Variants in RAD51D observed in about 807,000 individuals in gnomAD.
The protein encoded by RAD51D is DNA repair protein RAD51 homolog 4.
A neutral mutation model predicts 44.1 loss-of-function variants in RAD51D; 38 were observed. The observed-to-expected ratio is 0.86, with a 90% CI of 0.67 to 1.13. The LOEUF is 1.13. Ranked by LOEUF, RAD51D falls within the 50% of genes most tolerant of loss-of-function variation. The pLI, the probability that RAD51D is intolerant of heterozygous loss-of-function variation, is 0.00. For missense variants in RAD51D, 390 were observed against 414.0 expected (o/e 0.94, Z 0.50); for synonymous variants, 141 against 166.6 (o/e 0.85, Z 1.18).
chr17:35,100,602 A>G lies in RAD51D; in HGVS notation c.*351T>C. The G allele has an allele frequency of 1.8e-6, 1 of 554,738 alleles. No homozygotes were observed. Among genetic ancestry groups the G allele is most frequent in the Non-Finnish European group, 3.4e-6 (1 of 292,448 alleles). 34.4% of individuals were successfully genotyped at this position (554,738 alleles called of 1,614,324 possible). On this transcript the variant is annotated 3_prime_UTR_variant, in exon 10 of 10. Coordinates refer to ENST00000345365, the MANE Select transcript of RAD51D (RefSeq NM_002878.4). The stretch of plus-strand genomic sequence containing the variant: ...TGGCCACTGCGCTAGGAGGGAGCAC[A>G]GGACACAATGGTGATGCACAGGATT...
intron 3 of RAD51D, chr17:35,113,657 G>A: frequency 3.0e-6 from 1 of 332,546 alleles, no homozygotes; most frequent in Non-Finnish European, 6.1e-6. Context: ...CTAGCCCTGT[G>A]GCTTCTTGAG....
intron 8 of RAD51D, among the ~76,000 whole-genome samples, chr17:35,101,903 A>T (rs930253714): frequency 5.3e-5 from 8 of 152,158 alleles, no homozygotes; most frequent in Admixed American, 1.3e-4. Context: ...GGGGAAGGGG[A>T]AAATGAGTTA....
intron 3 of RAD51D, among the ~76,000 whole-genome samples, chr17:35,108,992 G>A (rs1023770115): frequency 6.6e-6 from 1 of 150,984 alleles, no homozygotes; most frequent in East Asian, 1.9e-4. Context: ...TCAGCCTCCC[G>A]AGTACCTGGG....
In RAD51D at chr17:35,119,039, C is replaced by T. The variant is rs2142476552; in HGVS notation, c.144+72G>A. 13 of 1,456,644 alleles carry T rather than the reference C, an allele frequency of 8.9e-6. No homozygotes were observed. The South Asian group carries it at 1.3e-4, about 14-fold the overall frequency. 90.2% of individuals were successfully genotyped at this position (1,456,644 alleles called of 1,614,324 possible). A position where few individuals can be genotyped will look rare whatever the true frequency, so the allele number is the denominator to read the frequency against. On this transcript the variant is annotated intron_variant, in intron 2 of 9. Coordinates refer to ENST00000345365, the MANE Select transcript of RAD51D (RefSeq NM_002878.4). Reference sequence around the variant, plus strand: ...TGCTGGGATTACAGGCATGAGCCACCGCGCCCAGCTGGCTTGGGATGGACT... The same window carrying T: ...TGCTGGGATTACAGGCATGAGCCACTGCGCCCAGCTGGCTTGGGATGGACT...
chr17:35,096,904 GC>G lies in RAD51D; in HGVS notation c.*4048del, dbSNP rs58566028. The G allele has an allele frequency of 1, 152,325 of 152,326 alleles. 76,162 individuals are homozygous for G. The highest frequency in any genetic ancestry group is 1 in the Non-Finnish European group (68,046 of 68,046). 9.4% of individuals were successfully genotyped at this position (152,326 alleles called of 1,614,324 possible). ...GTCCCTAGTATTTACACTTCTTTAAGCCTAGGTTTTGTTACTTGCAGCCTTA... is the reference window on the plus strand; with the variant it reads ...GTCCCTAGTATTTACACTTCTTTAAGCTAGGTTTTGTTACTTGCAGCCTTA... On this transcript the variant is annotated 3_prime_UTR_variant, in exon 10 of 10. Coordinates refer to ENST00000345365, the MANE Select transcript of RAD51D (RefSeq NM_002878.4).
chr17:35,099,797 G>A lies in RAD51D; in HGVS notation c.*1156C>T. 1 of 474,816 alleles carries A rather than the reference G, an allele frequency of 2.1e-6. No homozygotes were observed. The highest frequency in any genetic ancestry group is 4.2e-6 in the Non-Finnish European group (1 of 240,274). 29.4% of individuals were successfully genotyped at this position (474,816 alleles called of 1,614,324 possible). On this transcript the variant is annotated 3_prime_UTR_variant, in exon 10 of 10. Transcript: ENST00000345365. ...CCAGTAACCAATCCTGATCATTTCTGTACTTTTCCTTTTATTTTCCATTCC... is the reference window on the plus strand; with the variant it reads ...CCAGTAACCAATCCTGATCATTTCTATACTTTTCCTTTTATTTTCCATTCC...
In RAD51D at chr17:35,098,870, G is replaced by C. The variant is rs1165790714; in HGVS notation, c.*2083C>G. 6.6e-6 allele frequency: 1 copy of C among 151,878 alleles called. No homozygotes were observed. The highest frequency in any genetic ancestry group is 1.5e-5 in the Non-Finnish European group (1 of 68,032). 9.4% of individuals were successfully genotyped at this position (151,878 alleles called of 1,614,324 possible). ...TGATTTTTTTTTTCCTTGAGACAGGGTCTTGCTCTGTTACCCAGGCTGGGG... is the reference window on the plus strand; with the variant it reads ...TGATTTTTTTTTTCCTTGAGACAGGCTCTTGCTCTGTTACCCAGGCTGGGG... On this transcript the variant is annotated 3_prime_UTR_variant, in exon 10 of 10. Transcript: ENST00000345365.
intron 3 of RAD51D, among the ~76,000 whole-genome samples, chr17:35,107,738 T>C (rs972005905): frequency 1.2e-5 from 1 of 83,026 alleles, no homozygotes; most frequent in Non-Finnish European, 2.1e-5. Context: ...GTGGGTTTCC[T>C]TTTTTTTTTT....
chr17:35,101,128 C>T (rs1182692945), intron 9 of RAD51D, 73 bp downstream of exon 9: 15 of 1,611,132 alleles, frequency 9.3e-6, no homozygotes, highest in African/African-American at 5.3e-5. Flanking sequence ...GAGTTCTTCT[C>T]GAAGACATCT....
At chr17:35,108,877 T>G (rs2091642648) in intron 3 of RAD51D, among the ~76,000 whole-genome samples, 1 of 150,614 alleles carries the variant, frequency 6.6e-6, no homozygotes, top group Admixed American at 6.6e-5. Context: ...TCTTTTTTTT[T>G]TTTTTTTGAG....
At chr17:35,114,595 C>G (rs1481625123) in intron 3 of RAD51D, among the ~76,000 whole-genome samples, 1 of 152,012 alleles carries the variant, frequency 6.6e-6, no homozygotes, top group Non-Finnish European at 1.5e-5. Flanking sequence ...GAGGCTGAGG[C>G]AGGGAGACTG....
Position 35,108,931 on chromosome 17 carries a change from A to G in RAD51D, c.264-1484T>C, listed in dbSNP as rs28743177. Among the ~76,000 whole-genome samples, 578 of 147,110 alleles carry G rather than the reference A, an allele frequency of 3.9e-3. 7 individuals carry two copies. Among genetic ancestry groups the G allele is most frequent in the African/African-American group, 0.014 (550 of 39,588 alleles). ...GCCCAGGCTGGAGTGCAGTGGTGCAATCTCAGCTCATTGCAACCTCCACCT... is the reference window on the plus strand; with the variant it reads ...GCCCAGGCTGGAGTGCAGTGGTGCAGTCTCAGCTCATTGCAACCTCCACCT... On this transcript the variant is annotated intron_variant, in intron 3 of 9. Transcript: ENST00000345365.
In RAD51D at chr17:35,100,770, T is replaced by C; in HGVS notation, c.*183A>G. The C allele has an allele frequency of 1.4e-6, 1 of 699,260 alleles. No homozygotes were observed. The highest frequency in any genetic ancestry group is 2.7e-5 in the East Asian group (1 of 37,066). 43.3% of individuals were successfully genotyped at this position (699,260 alleles called of 1,614,324 possible). A position where few individuals can be genotyped will look rare whatever the true frequency, so the allele number is the denominator to read the frequency against. ...TCTGGGTCCTCGCAATGCAGCATCCTCTTTCGCCTGTGGTTTATATGCTTA... is the reference window on the plus strand; with the variant it reads ...TCTGGGTCCTCGCAATGCAGCATCCCCTTTCGCCTGTGGTTTATATGCTTA... On this transcript the variant is annotated 3_prime_UTR_variant, in exon 10 of 10. Coordinates refer to ENST00000345365, the MANE Select transcript of RAD51D (RefSeq NM_002878.4).
At chr17:35,114,685 C>A (rs1338127453) in intron 3 of RAD51D, among the ~76,000 whole-genome samples, 1 of 152,114 alleles carries the variant, frequency 6.6e-6, no homozygotes, top group Non-Finnish European at 1.5e-5. Flanking sequence ...GAGCAAGACC[C>A]TGTCTCTAAA....
At chr17:35,114,498 C>T (rs534236488) in intron 3 of RAD51D, among the ~76,000 whole-genome samples, 215 of 151,010 alleles carry the variant, frequency 1.4e-3, no homozygotes, top group South Asian at 0.011. Context: ...CTTGGCAACA[C>T]AGCAAGACCC....
chr17:35,094,914 T>G lies in RAD51D; in HGVS notation c.*6039A>C, dbSNP rs557030806. ...ACTACCGTAAGTACTAGTGAGAGGC[T>G]GCCCACCCAGCATCCAGTTCATCCA... On this transcript the variant is annotated 3_prime_UTR_variant, in exon 10 of 10. Transcript: ENST00000345365. 1 of 152,226 alleles carries G rather than the reference T, an allele frequency of 6.6e-6. No individual in the cohort carries two copies. The highest frequency in any genetic ancestry group is 2.4e-5 in the African/African-American group (1 of 41,440). The allele number at this position is 152,226 out of a possible 1,614,324, so 9.4% of individuals were successfully genotyped here.
At chr17:35,117,035 T>G (rs781627001) in intron 3 of RAD51D, 1 of 1,611,058 alleles carries the variant, frequency 6.2e-7, no homozygotes, top group Non-Finnish European at 8.5e-7. Context: ...GCGCCCTCCA[T>G]GTCTGTTGGA....
At chr17:35,109,560 A>G (rs914912996) in intron 3 of RAD51D, among the ~76,000 whole-genome samples, 2 of 152,204 alleles carry the variant, frequency 1.3e-5, no homozygotes, top group African/African-American at 4.8e-5. Flanking sequence ...CCACATCTTC[A>G]TCAGCATTTG....
Position 35,100,972 on chromosome 17 carries a change from A to T in RAD51D, c.968T>A (p.Leu323Ter), listed in dbSNP as rs2142408730. ...CACAGGTCATGTCTGATCACCCTGT[A>T]ATGTGGCACTCTGCTCTGAGGTCCC... is the stretch of plus-strand genomic sequence containing the variant. ...TWGTSEQSATLQGDQT is the reference protein window; with the variant it reads ...TWGTSEQSAT Residue 323 changes from leucine (L) to a stop codon, truncating the protein, a stop_gained, in exon 10 of 10, where the codon TTA becomes TAA. Transcript: ENST00000345365. LOFTEE classifies it high-confidence loss of function. 1 of 1,613,072 alleles carries T rather than the reference A, an allele frequency of 6.2e-7. No individual in the cohort carries two copies. The highest frequency in any genetic ancestry group is 1.3e-5 in the African/African-American group (1 of 75,016).
Sources: gnomAD v4.1 joint callset for allele counts (sites outside exome capture counted in the v4.1 genomes callset) on GRCh38, gnomAD v4.1.1 for gene constraint, MANE v1.5 for transcripts, NCBI Gene and HGNC (gene_info 2026-07-23, HGNC 2026-07-21) for gene names.